RBFOX1: variants seen among roughly 807,000 people sequenced by gnomAD.
RBFOX1 encodes RNA binding fox-1 homolog 1, also known as RNA binding protein fox-1 homolog 1.
In RBFOX1, 8 loss-of-function variants were observed where a neutral mutation model predicts 57.7. The ratio of observed to expected loss-of-function variants is 0.14; its 90% CI spans 0.08 to 0.25. The LOEUF (loss-of-function observed/expected upper bound fraction) is 0.25. RBFOX1 is among the 10% of genes least tolerant of loss of function. The pLI is 1.00. For missense variants in RBFOX1, 611 were observed against 548.5 expected (o/e 1.11, Z -1.14); for synonymous variants, 326 against 222.4 (o/e 1.47, Z -4.15).
At chr16:7,440,486 A>G (rs967504644) in intron 4 of RBFOX1, among the ~76,000 whole-genome samples, 4 of 152,162 alleles carry the variant, frequency 2.6e-5, no homozygotes, top group Non-Finnish European at 5.9e-5. Context: ...GAAGGCACTG[A>G]GAGCCCAAGG....
intron 4 of RBFOX1, among the ~76,000 whole-genome samples, chr16:5,892,144 T>C (rs2058058905): frequency 6.6e-6 from 1 of 152,174 alleles, no homozygotes; most frequent in Admixed American, 6.5e-5. Flanking sequence ...TGAAAGTTAA[T>C]GCATGGAACG....
chr16:7,128,818 C>CTTTTTTTTTTT (rs759893956), intron 4 of RBFOX1, among the ~76,000 whole-genome samples: 1 of 126,970 alleles, frequency 7.9e-6, no homozygotes, highest in African/African-American at 3.0e-5. Flanking sequence ...TTTCTTTTTA[C>CTTTTTTTTTTT]TTTTTTTTTT....
chr16:6,742,328 C>T (rs901880335), intron 3 of RBFOX1, among the ~76,000 whole-genome samples: 1 of 152,080 alleles, frequency 6.6e-6, no homozygotes, highest in African/African-American at 2.4e-5. Context: ...AAGATAGAAA[C>T]TATCAAATAT....
At chr16:6,765,760 T>C (rs1176037283) in intron 3 of RBFOX1, among the ~76,000 whole-genome samples, 2 of 152,110 alleles carry the variant, frequency 1.3e-5, no homozygotes, top group African/African-American at 4.8e-5. Context: ...AATAAGTAGA[T>C]AAGGAAAATA....
intron 2 of RBFOX1, among the ~76,000 whole-genome samples, chr16:6,490,563 T>C (rs1319535228): frequency 6.6e-6 from 1 of 152,232 alleles, no homozygotes; most frequent in Non-Finnish European, 1.5e-5. Flanking sequence ...TACTATTTAT[T>C]GCCCTGCAGA....
intron 3 of RBFOX1, among the ~76,000 whole-genome samples, chr16:5,826,232 A>G (rs1258402629): frequency 6.6e-6 from 1 of 151,402 alleles, no homozygotes; most frequent in Non-Finnish European, 1.5e-5. Context: ...TTACTCATTT[A>G]CAAACACTCT....
intron 3 of RBFOX1, among the ~76,000 whole-genome samples, chr16:5,793,171 A>T (rs2054759242): frequency 6.6e-6 from 1 of 152,096 alleles, no homozygotes; most frequent in Admixed American, 6.5e-5. Context: ...CTTTTCTCTA[A>T]ACTTGCACTT....
chr16:6,418,350 A>C (rs1007816275), intron 2 of RBFOX1, among the ~76,000 whole-genome samples: 10 of 152,018 alleles, frequency 6.6e-5, no homozygotes, highest in Admixed American at 1.3e-4. Flanking sequence ...TCTTATGGTG[A>C]CTTCTAGGAC....
At chr16:5,455,118 C>T (rs918716077) in intron 1 of RBFOX1, among the ~76,000 whole-genome samples, 1 of 150,798 alleles carries the variant, frequency 6.6e-6, no homozygotes, top group Non-Finnish European at 1.5e-5. Context: ...CTCTAAAGTA[C>T]CTTGACTGAT....
At chr16:5,891,835 C>T (rs1354402617) in intron 4 of RBFOX1, among the ~76,000 whole-genome samples, 1 of 152,142 alleles carries the variant, frequency 6.6e-6, no homozygotes, top group African/African-American at 2.4e-5. Context: ...TTGATGGAGG[C>T]TTGGAGACCC....
chr16:5,315,346 AT>A (rs1185703973), intron 1 of RBFOX1, among the ~76,000 whole-genome samples: 3 of 152,156 alleles, frequency 2.0e-5, no homozygotes, highest in African/African-American at 4.8e-5. Flanking sequence ...AGGCCACGTA[AT>A]CACCGGTGAT....
chr16:5,562,255 G>A (rs889161065), intron 2 of RBFOX1, among the ~76,000 whole-genome samples: 3 of 152,278 alleles, frequency 2.0e-5, no homozygotes, highest in East Asian at 1.9e-4. Context: ...TTGGAGGTCT[G>A]CAGTTATATG....
At chr16:5,600,841 G>T (rs2047342794), downstream of RBFOX1, among the ~76,000 whole-genome samples, 1 of 152,164 alleles carries the variant, frequency 6.6e-6, no homozygotes, top group Admixed American at 6.5e-5. Flanking sequence ...CTTTTCAGTT[G>T]ACCAAATGTT....
At chr16:7,106,378 T>C (rs1331850049) in intron 4 of RBFOX1, among the ~76,000 whole-genome samples, 10 of 152,284 alleles carry the variant, frequency 6.6e-5, no homozygotes, top group East Asian at 3.9e-4. Context: ...TGGAGTCAGA[T>C]TGAAAAATAT....
At chr16:6,825,528 G>T (rs565974378) in intron 3 of RBFOX1, among the ~76,000 whole-genome samples, 4 of 152,126 alleles carry the variant, frequency 2.6e-5, no homozygotes, top group African/African-American at 9.7e-5. Context: ...TTTTTGAACA[G>T]TCTTTTGATA....
rs187751089 is a variant in RBFOX1, at chr16:6,812,541, T to C, written c.-16+157891T>C. Among the ~76,000 whole-genome samples, 3 of 151,734 alleles carry C rather than the reference T, an allele frequency of 2.0e-5. No homozygotes were observed. The East Asian group carries it at 5.8e-4, about 29-fold the overall frequency. On this transcript the variant is annotated intron_variant, in intron 3 of 15. Transcript: ENST00000550418. ...GGCACATGACACCACGCCCAGCTAATTTTTTTTGTATTTTTATTAGAGACA... is the reference window on the plus strand; with the variant it reads ...GGCACATGACACCACGCCCAGCTAACTTTTTTTGTATTTTTATTAGAGACA...
At chr16:5,682,377 G>T (rs2050368241) in intron 3 of RBFOX1, among the ~76,000 whole-genome samples, 1 of 152,100 alleles carries the variant, frequency 6.6e-6, no homozygotes, top group African/African-American at 2.4e-5. Context: ...TTAAAATGTG[G>T]TAATCGATGG....
intron 2 of RBFOX1, among the ~76,000 whole-genome samples, chr16:6,606,967 C>G (rs368422475): frequency 6.6e-6 from 1 of 152,200 alleles, no homozygotes. Flanking sequence ...AATTTACATT[C>G]CCACTAACAG....
At chr16:7,510,109 T>G (rs535370752) in intron 4 of RBFOX1, 1 of 985,292 alleles carries the variant, frequency 1.0e-6, no homozygotes, top group African/African-American at 1.7e-5. Flanking sequence ...CTGGGTTGGT[T>G]TTGGGAGCAG....
Sources: allele counts gnomAD v4.1 joint callset (sites outside exome capture counted in the v4.1 genomes callset), GRCh38; gene constraint gnomAD v4.1.1; transcripts MANE v1.5; gene names NCBI Gene and HGNC (gene_info 2026-07-23, HGNC 2026-07-21).